PCDHA5: variants seen among roughly 807,000 people sequenced by gnomAD.
PCDHA5 encodes protocadherin alpha-5.
Under a neutral mutation model 61.6 loss-of-function variants are expected in PCDHA5, and 43 were observed. That is an observed-to-expected ratio of 0.70 (90% CI 0.55 to 0.90). The LOEUF (loss-of-function observed/expected upper bound fraction) is 0.90, where lower values mean the gene tolerates loss of function less well. Ranked by LOEUF, PCDHA5 falls within the 40% of genes least tolerant of loss-of-function variation. The pLI, the probability that PCDHA5 is intolerant of heterozygous loss-of-function variation, is 0.00. For synonymous variants in PCDHA5, 627 were observed against 543.9 expected (o/e 1.15, Z -2.13); for missense variants, 1,298 against 1,222.7 (o/e 1.06, Z -0.92).
At chr5:140,825,240 T>C (rs968965220) in intron 1 of PCDHA5, 1 of 151,592 alleles carries the variant, frequency 6.6e-6, no homozygotes, top group Non-Finnish European at 1.5e-5. Flanking sequence ...TCTGGATCTA[T>C]GGTGTTCCAT....
chr5:140,965,445 G>T (rs1460508023), intron 1 of PCDHA5, among the ~76,000 whole-genome samples: 1 of 151,794 alleles, frequency 6.6e-6, no homozygotes, highest in Non-Finnish European at 1.5e-5. Flanking sequence ...TGAAATTGCT[G>T]GTTATTGTAA....
At chr5:140,835,666 G>A in intron 1 of PCDHA5, 3 of 1,613,936 alleles carry the variant, frequency 1.9e-6, no homozygotes, top group Middle Eastern at 3.3e-4. Flanking sequence ...GTTACCGCGC[G>A]GGACGGGGGC....
rs377373799 is a variant in PCDHA5, at chr5:141,009,886, C to G, written c.2760C>G (p.Thr920=). 3.3e-5 allele frequency: 54 copies of G among 1,612,722 alleles called. No individual in the cohort carries two copies. The highest frequency in any genetic ancestry group is 4.6e-5 in the Non-Finnish European group (54 of 1,179,784). The stretch of plus-strand genomic sequence containing the variant: ...AGAAAAAGAAGAAGGGTAACAAGAC[C>G]CAGGAGAAAAAAGAGAAAGGGAACA... ...KKKKKKKGNK[T]QEKKEKGNST... Residue 920 remains threonine (T), a synonymous_variant, in exon 4 of 4, where the codon ACC becomes ACG. Transcript: ENST00000529859.
chr5:140,841,755 C>G, intron 1 of PCDHA5: 1 of 1,613,886 alleles, frequency 6.2e-7, no homozygotes, highest in African/African-American at 1.3e-5. Context: ...GTTTCAGAAT[C>G]CAGAATGCCA....
At position 140,876,683 on chromosome 5, in the gene PCDHA5, A is replaced by G. The variant is rs782371303; in HGVS notation, c.2352+52556A>G. ...AAGCTGGTGTCCACCTACAAGAATT[A>G]CTACTCGTTGGTGCTGGACAGCGCC... On this transcript the variant is annotated intron_variant, in intron 1 of 3. Coordinates refer to ENST00000529859, the MANE Select transcript of PCDHA5 (RefSeq NM_018908.3). 5 of 1,614,094 alleles carry G rather than the reference A, an allele frequency of 3.1e-6. No homozygotes were observed. In the South Asian group the frequency reaches 5.5e-5, roughly 18 times the overall value.
intron 1 of PCDHA5, among the ~76,000 whole-genome samples, chr5:140,880,962 A>G (rs1439455519): frequency 6.6e-6 from 1 of 152,224 alleles, no homozygotes; most frequent in Non-Finnish European, 1.5e-5. Context: ...GATGAGGGTA[A>G]GAGAATACCA....
At chr5:140,942,467 A>C (rs1428565418) in intron 1 of PCDHA5, among the ~76,000 whole-genome samples, 1 of 152,142 alleles carries the variant, frequency 6.6e-6, no homozygotes, top group Non-Finnish European at 1.5e-5. Context: ...AATACAATCA[A>C]ATTCAAGCTA....
intron 1 of PCDHA5, among the ~76,000 whole-genome samples, chr5:140,905,881 T>C (rs1241086266): frequency 1.3e-5 from 2 of 152,080 alleles, no homozygotes; most frequent in Non-Finnish European, 2.9e-5. Context: ...GGCCCAACAA[T>C]AGGCCATCTG....
chr5:140,942,391 G>A (rs901640537), intron 1 of PCDHA5, among the ~76,000 whole-genome samples: 1 of 151,546 alleles, frequency 6.6e-6, no homozygotes, highest in Non-Finnish European at 1.5e-5. Context: ...CAGCCTGGGC[G>A]ACAGATGAGA....
At chr5:140,838,520 T>C (rs1554137093) in intron 1 of PCDHA5, among the ~76,000 whole-genome samples, 1 of 152,024 alleles carries the variant, frequency 6.6e-6, no homozygotes, top group Non-Finnish European at 1.5e-5. Flanking sequence ...ATTTGCATCT[T>C]ATTTTCTTTT....
In PCDHA5 at chr5:140,995,948, C is replaced by T. The variant is rs143431693; in HGVS notation, c.2500+13385C>T. Among the ~76,000 whole-genome samples the T allele has an allele frequency of 4.7e-3, 711 of 152,264 alleles. 7 individuals carry two copies. The highest frequency in any genetic ancestry group is 0.016 in the African/African-American group (645 of 41,554). ...TGTAAGTATTAAATGACATAATGCA[C>T]GCAAAATGCTTAGAACCATGCTTAG... On this transcript the variant is annotated intron_variant, in intron 3 of 3. Transcript: ENST00000529859.
chr5:140,891,877 T>A (rs2063293050), intron 1 of PCDHA5, among the ~76,000 whole-genome samples: 1 of 152,218 alleles, frequency 6.6e-6, no homozygotes, highest in East Asian at 1.9e-4. Flanking sequence ...TTTGGCTCTG[T>A]CATGTGACGA....
At chr5:140,965,716 C>T (rs75761543) in intron 1 of PCDHA5, among the ~76,000 whole-genome samples, 2,507 of 152,272 alleles carry the variant, frequency 0.016, 70 homozygotes, top group African/African-American at 0.056. Flanking sequence ...AGAAGAATCT[C>T]TTTAAAAATT....
rs370111655 is a variant in PCDHA5, at chr5:140,902,185, TTCTC to T, written c.2353-76752_2353-76749del. Reference sequence around the variant, plus strand: ...TTCTAATTTGGATGTCCTTTATGTCTTCTCTCTCTCTCTCTTTCTTTTTTTTTTT... The same window carrying T: ...TTCTAATTTGGATGTCCTTTATGTCTTCTCTCTCTCTTTCTTTTTTTTTTT... On this transcript the variant is annotated intron_variant, in intron 1 of 3. Coordinates refer to ENST00000529859, the MANE Select transcript of PCDHA5 (RefSeq NM_018908.3). Among the ~76,000 whole-genome samples, 704 of 150,894 alleles carry T rather than the reference TTCTC, an allele frequency of 4.7e-3. 6 individuals carry two copies. Among genetic ancestry groups the T allele is most frequent in the African/African-American group, 0.015 (608 of 41,076 alleles).
intron 1 of PCDHA5, chr5:140,864,371 G>C (rs1005201982): frequency 6.6e-6 from 1 of 151,926 alleles, no homozygotes; most frequent in Non-Finnish European, 1.5e-5. Context: ...TTCTATAATC[G>C]ATAAGTTTAT....
intron 1 of PCDHA5, among the ~76,000 whole-genome samples, chr5:140,971,278 ATATTAATATG>A (rs1408088373): frequency 6.6e-6 from 1 of 152,208 alleles, no homozygotes; most frequent in African/African-American, 2.4e-5. Context: ...ACTGACCTGT[ATATTAATATG>A]TACTTTGGTA....
chr5:140,934,305 A>T, intron 1 of PCDHA5, among the ~76,000 whole-genome samples: 1 of 152,150 alleles, frequency 6.6e-6, no homozygotes, highest in African/African-American at 2.4e-5. Flanking sequence ...TATTTTTCTT[A>T]CTGCAAATGT....
At position 141,010,302 on chromosome 5, in the gene PCDHA5, A is replaced by C; in HGVS notation, c.*365A>C. On this transcript the variant is annotated 3_prime_UTR_variant, in exon 4 of 4. Coordinates refer to ENST00000529859, the MANE Select transcript of PCDHA5 (RefSeq NM_018908.3). ...TGATGACACTTGCAGGGCAGGCTGA[A>C]AAGTTTTGAGATTGAGCAGCTTGGG... The C allele has an allele frequency of 6.5e-7, 1 of 1,549,074 alleles. No individual in the cohort carries two copies. The highest frequency in any genetic ancestry group is 8.7e-7 in the Non-Finnish European group (1 of 1,146,244).
chr5:140,874,521 T>C (rs571924676), intron 1 of PCDHA5, among the ~76,000 whole-genome samples: 4 of 152,358 alleles, frequency 2.6e-5, no homozygotes, highest in African/African-American at 9.6e-5. Flanking sequence ...CTTTAGTCAA[T>C]GAGATTAGGC....
Sources: gnomAD v4.1 joint callset for allele counts (sites outside exome capture counted in the v4.1 genomes callset) on GRCh38, gnomAD v4.1.1 for gene constraint, MANE v1.5 for transcripts, NCBI Gene and HGNC (gene_info 2026-07-23, HGNC 2026-07-21) for gene names.